Variants in SNAP47 observed in about 807,000 individuals in gnomAD.
SNAP47 encodes synaptosome associated protein 47, also known as synaptosomal-associated protein 47.
In SNAP47, 20 loss-of-function variants were observed where a neutral mutation model predicts 31.4. The ratio of observed to expected loss-of-function variants is 0.64; its 90% confidence interval spans 0.45 to 0.93. The LOEUF (loss-of-function observed/expected upper bound fraction) is 0.93, where lower values mean the gene tolerates loss of function less well. Among genes scored for constraint, SNAP47 ranks in the 40% least tolerant of loss-of-function variants. The pLI, the probability that SNAP47 is intolerant of heterozygous loss-of-function variation, is 0.00. For synonymous variants in SNAP47, 194 were observed against 213.4 expected (o/e 0.91, Z 0.79); for missense variants, 492 against 528.5 (o/e 0.93, Z 0.68).
At chr1:227,747,617 G>T in intron 1 of SNAP47, 75 bp from the exon 2 acceptor site, 1 of 1,457,460 alleles carries the variant, frequency 6.9e-7, no homozygotes, top group South Asian at 1.3e-5. Context: ...CGCAGGGGAG[G>T]CAGCATCCTT....
In SNAP47 at chr1:227,743,135, G is replaced by A. The variant is rs556429320; in HGVS notation, c.-45-4557G>A. ...TGGGGTGCTCAGGTGAGTATTCCCC[G>A]GTTGCAGAGGAAGGTGCAGTGAGAT... On this transcript the variant is annotated intron_variant, in intron 1 of 4. Coordinates refer to ENST00000617596, the MANE Select transcript of SNAP47 (RefSeq NM_053052.4). Among the ~76,000 whole-genome samples the A allele has an allele frequency of 7.2e-5, 11 of 152,156 alleles. No homozygotes were observed. The South Asian group carries it at 1.2e-3, about 17-fold the overall frequency.
intron 4 of SNAP47, among the ~76,000 whole-genome samples, chr1:227,778,225 G>C (rs536737522): frequency 6.6e-6 from 1 of 152,294 alleles, no homozygotes; most frequent in African/African-American, 2.4e-5. Context: ...ATGTTTCCTG[G>C]TTTTCTACAT....
upstream of SNAP47, chr1:227,734,994 C>T: frequency 6.6e-7 from 1 of 1,514,218 alleles, no homozygotes; most frequent in African/African-American, 1.4e-5. Flanking sequence ...CGCCCGGGGT[C>T]TGCGGCCGCC....
chr1:227,776,590 G>A lies in SNAP47; in HGVS notation c.1114-3937G>A, dbSNP rs1168516535. On this transcript the variant is annotated intron_variant, in intron 4 of 4. Coordinates refer to ENST00000617596, the MANE Select transcript of SNAP47 (RefSeq NM_053052.4). ...CCGCAGAGGAACAACTGTTTCTAGG[G>A]TTTGGCCAGACTTCACATTCTCCAT... The A allele has an allele frequency of 5.1e-6, 5 of 985,370 alleles. No homozygotes were observed. The African/African-American group carries it at 7.0e-5, about 14-fold the overall frequency. The allele number at this position is 985,370 out of a possible 1,614,324, so 61.0% of individuals were successfully genotyped here.
chr1:227,732,405 G>A (rs1311186148), upstream of SNAP47: 1 of 1,612,622 alleles, frequency 6.2e-7, no homozygotes, highest in Non-Finnish European at 8.5e-7. Context: ...TGGGGCCGCA[G>A]CAGCATCAAC....
At position 227,767,115 on chromosome 1, in the gene SNAP47, G is replaced by A. The variant is rs367590602; in HGVS notation, c.1113+32G>A. On this transcript the variant is annotated intron_variant, in intron 4 of 4. Coordinates refer to ENST00000617596, the MANE Select transcript of SNAP47 (RefSeq NM_053052.4). ...TGTCCCCAGTGCCATGCCAGCCAGC[G>A]CTGTGTCCCAGTCTTCCCGCAGGCT... 1.3e-4 allele frequency: 208 copies of A among 1,612,750 alleles called. No homozygotes were observed. The African/African-American group carries it at 1.8e-3, about 14-fold the overall frequency.
intron 4 of SNAP47, chr1:227,776,486 A>C (rs1664166831): frequency 9.1e-6 from 9 of 985,584 alleles, no homozygotes; most frequent in Middle Eastern, 5.2e-4. Context: ...AGAGCCCATG[A>C]AGGTTCCTGT....
chr1:227,774,089 C>T (rs1046922455), intron 4 of SNAP47, among the ~76,000 whole-genome samples: 8 of 152,174 alleles, frequency 5.3e-5, no homozygotes, highest in African/African-American at 1.7e-4. Flanking sequence ...GGGCTGCCTC[C>T]CAGTCCGTGG....
intron 2 of SNAP47, among the ~76,000 whole-genome samples, chr1:227,753,902 C>G (rs1456325497): frequency 1.3e-5 from 2 of 152,054 alleles, no homozygotes; most frequent in Admixed American, 1.3e-4. Context: ...TCCTGGAGCC[C>G]CAGTGGGTGT....
At chr1:227,735,636 G>A (rs1185343587) in intron 1 of SNAP47, 137 bp downstream of exon 1, 37 of 1,323,870 alleles carry the variant, frequency 2.8e-5, no homozygotes, top group Non-Finnish European at 1.7e-5. Context: ...GGGTATGCGG[G>A]CTGCGCTGGG....
intron 4 of SNAP47, chr1:227,776,136 C>T (rs1362521963): frequency 8.6e-7 from 1 of 1,162,754 alleles, no homozygotes; most frequent in African/African-American, 1.6e-5. Flanking sequence ...CTCTGACGCC[C>T]TCAGCGGGTC....
In SNAP47 at chr1:227,763,716, C is replaced by T. The variant is rs570368265; in HGVS notation, c.989-3243C>T. 1.1e-4 allele frequency among the ~76,000 whole-genome samples: 16 copies of T among 152,340 alleles called. No individual in the cohort carries two copies. In the South Asian group the frequency reaches 2.7e-3, roughly 26 times the overall value. ...AGATGGAGCACACAAGCTGCTGTCT[C>T]CTCCATTCAGCTCCCTACGCTGTCC... On this transcript the variant is annotated intron_variant, in intron 3 of 4. Coordinates refer to ENST00000617596, the MANE Select transcript of SNAP47 (RefSeq NM_053052.4). This position sits in a 1 kb window ranked among gnomAD's most constrained non-coding sequence, Gnocchi z 4.2.
chr1:227,766,241 C>T (rs567535295), intron 3 of SNAP47, among the ~76,000 whole-genome samples: 87 of 152,324 alleles, frequency 5.7e-4, no homozygotes, highest in African/African-American at 1.9e-3. Flanking sequence ...TCGTAAATGA[C>T]GGCTGCACCA....
In SNAP47 at chr1:227,780,540, T is replaced by C; in HGVS notation, c.1127T>C (p.Met376Thr). The C allele has an allele frequency of 6.2e-7, 1 of 1,614,036 alleles. No individual in the cohort carries two copies. Among genetic ancestry groups the C allele is most frequent in the Non-Finnish European group, 8.5e-7 (1 of 1,180,012 alleles). The change falls in exon 5 of 5, where the codon ATG becomes ACG. Residue 376 changes from methionine (M) to threonine (T), a missense_variant. Met to Thr is a moderately conservative substitution (Grantham distance 81). Transcript: ENST00000617596. Reference sequence around the variant, plus strand: ...GCTTCTCCCCAGATCCTGAGGAGGATGAAGGGGCTGGCCCTGGAGGCCGAG... The same window carrying C: ...GCTTCTCCCCAGATCCTGAGGAGGACGAAGGGGCTGGCCCTGGAGGCCGAG... ...TQELTQILRR[M>T]KGLALEAESE...
rs745332648 is a variant in SNAP47, at chr1:227,735,486, C to G, written c.-59C>G. ...CGCCGCGGTCGGCTCTGGGACTCGT[C>G]TGGCGTCCCTCAGGTGAGCGACGGT... is the stretch of plus-strand genomic sequence containing the variant. On this transcript the variant is annotated 5_prime_UTR_variant, in exon 1 of 5. Transcript: ENST00000617596. 22 of 1,418,998 alleles carry G rather than the reference C, an allele frequency of 1.6e-5. No individual in the cohort carries two copies. In the Admixed American group the frequency reaches 1.6e-4, roughly 10 times the overall value. 87.9% of individuals were successfully genotyped at this position (1,418,998 alleles called of 1,614,324 possible).
chr1:227,735,615 C>CG, intron 1 of SNAP47, 116 bp downstream of exon 1: 6 of 1,322,330 alleles, frequency 4.5e-6, no homozygotes, highest in Non-Finnish European at 5.8e-6. Flanking sequence ...CCCGCATCCC[C>CG]GGGGGGTGGG....
rs181473851 is a variant in SNAP47 at position 227,760,738 on chromosome 1, A to G, written c.988+1253A>G. ...GTTTTGGCCCTGCAGGTTTTGCTCT[A>G]TGGATGGCCTGTTCTGTTTTCTTCT... On this transcript the variant is annotated intron_variant, in intron 3 of 4. Coordinates refer to ENST00000617596, the MANE Select transcript of SNAP47 (RefSeq NM_053052.4). 7.2e-5 allele frequency among the ~76,000 whole-genome samples: 11 copies of G among 152,244 alleles called. No homozygotes were observed. In the East Asian group the frequency reaches 1.5e-3, roughly 21 times the overall value.
chr1:227,758,832 G>A (rs896818080), intron 2 of SNAP47, among the ~76,000 whole-genome samples, 163 bp from the exon 3 acceptor site: 30 of 152,124 alleles, frequency 2.0e-4, no homozygotes, highest in African/African-American at 7.2e-4. Context: ...TCACACTGGA[G>A]ATAAAAGTCC....
chr1:227,769,021 T>C (rs1279688484), intron 4 of SNAP47, among the ~76,000 whole-genome samples: 1 of 152,226 alleles, frequency 6.6e-6, no homozygotes, highest in Non-Finnish European at 1.5e-5. Flanking sequence ...CCCTCAAGTG[T>C]CCACACATCA....
Sources: allele counts gnomAD v4.1 joint callset (sites outside exome capture counted in the v4.1 genomes callset), GRCh38; gene constraint gnomAD v4.1.1; non-coding constraint Gnocchi (gnomAD v3.1); transcripts MANE v1.5; gene names NCBI Gene and HGNC (gene_info 2026-07-23, HGNC 2026-07-21).